MINDY4B: variants seen among roughly 807,000 people sequenced by gnomAD.
The protein encoded by MINDY4B is MINDY family member 4B.
Under a neutral mutation model 16.7 loss-of-function variants are expected in MINDY4B, and 25 were observed. The observed-to-expected ratio is 1.49, with a 90% CI of 1.09 to 2.09. The LOEUF (loss-of-function observed/expected upper bound fraction) is 2.09, where lower values mean the gene tolerates loss of function less well. Ranked by LOEUF, MINDY4B falls within the 30% of genes most tolerant of loss-of-function variation. The pLI, the probability that MINDY4B is intolerant of heterozygous loss-of-function variation, is 0.00. For synonymous variants in MINDY4B, 132 were observed against 61.9 expected, an observed-to-expected ratio of 2.13 and a Z score of -5.32; for missense variants, 327 against 168.4, an observed-to-expected ratio of 1.94 and a Z score of -5.21.
chr3:150,883,338 G>T (rs1450133820), intron 9 of MINDY4B, among the ~76,000 whole-genome samples: 1 of 152,030 alleles, frequency 6.6e-6, no homozygotes, highest in Non-Finnish European at 1.5e-5. Context: ...TTCCATGGTT[G>T]TGATTTAAGA....
intron 10 of MINDY4B, among the ~76,000 whole-genome samples, chr3:150,877,355 T>C (rs1006306772): frequency 1.3e-5 from 2 of 152,154 alleles, no homozygotes; most frequent in Non-Finnish European, 2.9e-5. Flanking sequence ...CTTGTATACC[T>C]AGTTGGCATT....
At chr3:150,881,137 C>A (rs1328820864) in intron 10 of MINDY4B, among the ~76,000 whole-genome samples, 1 of 152,196 alleles carries the variant, frequency 6.6e-6, no homozygotes, top group Non-Finnish European at 1.5e-5. Flanking sequence ...AATCCCAGCA[C>A]TTTGGGAGGC....
intron 3 of MINDY4B, among the ~76,000 whole-genome samples, chr3:150,900,906 T>C (rs1712099955): frequency 6.6e-6 from 1 of 152,218 alleles, no homozygotes; most frequent in African/African-American, 2.4e-5. Flanking sequence ...AAAATTTGTG[T>C]GTGTGTTTAA....
chr3:150,878,304 A>G (rs558406165), intron 10 of MINDY4B, among the ~76,000 whole-genome samples: 1 of 152,248 alleles, frequency 6.6e-6, no homozygotes, highest in East Asian at 1.9e-4. Flanking sequence ...CTGTATAATG[A>G]GCTGATATGA....
At chr3:150,895,842 T>A (rs1204717459) in intron 3 of MINDY4B, among the ~76,000 whole-genome samples, 1 of 152,216 alleles carries the variant, frequency 6.6e-6, no homozygotes, top group Non-Finnish European at 1.5e-5. Context: ...GGTGATGATT[T>A]TTTTGCAATG....
chr3:150,885,262 C>G, intron 8 of MINDY4B, 106 bp downstream of exon 8: 1 of 630,644 alleles, frequency 1.6e-6, no homozygotes, highest in South Asian at 1.8e-5. Flanking sequence ...TAGAAAAAAA[C>G]ATTGCATTCA....
chr3:150,889,421 A>G (rs935366380), intron 7 of MINDY4B, among the ~76,000 whole-genome samples: 8 of 152,142 alleles, frequency 5.3e-5, no homozygotes, highest in African/African-American at 1.9e-4. Flanking sequence ...TTCCTCTTCC[A>G]TATTAATGAC....
chr3:150,893,875 GA>G (rs757053062), intron 4 of MINDY4B, among the ~76,000 whole-genome samples: 84 of 152,072 alleles, frequency 5.5e-4, no homozygotes, highest in Non-Finnish European at 7.5e-4. Flanking sequence ...ATTTTTAGAG[GA>G]GACAGGGTTT....
intron 10 of MINDY4B, among the ~76,000 whole-genome samples, chr3:150,875,898 C>T (rs756189852): frequency 2.7e-4 from 41 of 152,190 alleles, no homozygotes; most frequent in Admixed American, 2.4e-3. Context: ...TGAATCCAGC[C>T]AGAGATTACA....
At chr3:150,890,825 C>G (rs1298611147) in intron 6 of MINDY4B, 113 bp downstream of exon 6, 1 of 621,762 alleles carries the variant, frequency 1.6e-6, no homozygotes, top group Non-Finnish European at 2.9e-6. Flanking sequence ...GAAGGCACCT[C>G]CGGTCACATC....
intron 1 of MINDY4B, 99 bp from the exon 2 acceptor site, chr3:150,905,188 T>C (rs1480344430): frequency 5.0e-6 from 2 of 398,396 alleles, no homozygotes. Context: ...GAAGTCTCTG[T>C]CCACGAATAG....
chr3:150,902,528 T>A lies in MINDY4B; in HGVS notation c.309+721A>T, dbSNP rs565705339. On this transcript the variant is annotated intron_variant, in intron 3 of 11. Transcript: ENST00000465419. ...TTGCCTCTGCTTCCCAAGTTTCCAA[T>A]GGCATCTTTTTGACCATGACAGCTG... 8.5e-5 allele frequency among the ~76,000 whole-genome samples: 13 copies of A among 152,330 alleles called. 1 individual carries two copies. In the South Asian group the frequency reaches 2.5e-3, roughly 29 times the overall value.
intron 5 of MINDY4B, among the ~76,000 whole-genome samples, chr3:150,892,191 C>A (rs942099325): frequency 1.3e-5 from 2 of 152,214 alleles, no homozygotes; most frequent in Admixed American, 6.5e-5. Context: ...CTCATTGGAG[C>A]AAGAGGTACA....
chr3:150,879,661 A>G (rs1711504779), intron 10 of MINDY4B, among the ~76,000 whole-genome samples: 1 of 152,222 alleles, frequency 6.6e-6, no homozygotes, highest in South Asian at 2.1e-4. Context: ...ATTTCAAGAC[A>G]GTGATACCAG....
intron 5 of MINDY4B, among the ~76,000 whole-genome samples, chr3:150,891,829 A>G (rs374837656): frequency 6.6e-6 from 1 of 151,656 alleles, no homozygotes; most frequent in Non-Finnish European, 1.5e-5. Flanking sequence ...AGATAGAATG[A>G]GAATAACAGA....
intron 5 of MINDY4B, among the ~76,000 whole-genome samples, chr3:150,891,326 A>T (rs892355159): frequency 1.5e-4 from 23 of 152,226 alleles, no homozygotes; most frequent in Non-Finnish European, 2.8e-4. Flanking sequence ...GTCTTTACAC[A>T]GTGGGAGACC....
intron 10 of MINDY4B, among the ~76,000 whole-genome samples, chr3:150,876,086 C>T (rs556596005): frequency 6.6e-6 from 1 of 152,100 alleles, no homozygotes; most frequent in Non-Finnish European, 1.5e-5. Flanking sequence ...CTTCATGTTG[C>T]CATGGTAAAA....
chr3:150,885,354 T>C lies in MINDY4B; in HGVS notation c.824+14A>G. On this transcript the variant is annotated intron_variant, in intron 8 of 11. Transcript: ENST00000465419. ...CCTATAGAAAATACCTGTGTAAACA[T>C]CTGTAGAATTTACCTTTCAAATGTT... 1.4e-6 allele frequency: 1 copy of C among 702,634 alleles called. No homozygotes were observed. The highest frequency in any genetic ancestry group is 2.6e-6 in the Non-Finnish European group (1 of 384,798). The allele number at this position is 702,634 out of a possible 1,614,324, so 43.5% of individuals were successfully genotyped here.
intron 10 of MINDY4B, among the ~76,000 whole-genome samples, chr3:150,874,810 C>A (rs981908474): frequency 1.3e-5 from 2 of 152,306 alleles, no homozygotes; most frequent in African/African-American, 4.8e-5. Context: ...TAACTCTATT[C>A]AAATCTTTTT....
Sources: gnomAD v4.1 joint callset for allele counts (sites outside exome capture counted in the v4.1 genomes callset) on GRCh38, gnomAD v4.1.1 for gene constraint, MANE v1.5 for transcripts, NCBI Gene and HGNC (gene_info 2026-07-23, HGNC 2026-07-21) for gene names.